Variants in PRMT8 observed in about 807,000 individuals in gnomAD.
PRMT8 encodes the protein protein arginine methyltransferase 8.
Under a neutral mutation model 47.1 loss-of-function variants are expected in PRMT8, and 7 were observed. The observed-to-expected ratio is 0.15, with a 90% CI of 0.08 to 0.28. The LOEUF (loss-of-function observed/expected upper bound fraction) is 0.28. Ranked by LOEUF, PRMT8 falls within the 10% of genes least tolerant of loss-of-function variation. PRMT8 has a pLI of 1.00. For missense variants in PRMT8, 237 were observed against 505.4 expected (o/e 0.47, Z 5.09); for synonymous variants, 188 against 186.5 (o/e 1.01, Z -0.07).
chr12:3,429,082 G>A (rs535609648), intron 1 of PRMT8, among the ~76,000 whole-genome samples: 119 of 151,776 alleles, frequency 7.8e-4, no homozygotes, highest in Admixed American at 2.4e-3. Flanking sequence ...CTCTGTCTCT[G>A]CTGGTCTTTC....
chr12:3,383,011 T>C (rs1308741074), intron 1 of PRMT8, among the ~76,000 whole-genome samples: 1 of 152,242 alleles, frequency 6.6e-6, no homozygotes, highest in Non-Finnish European at 1.5e-5. Flanking sequence ...AAAAATCACT[T>C]ATGCGTATTT....
At chr12:3,524,366 A>G (rs1865922026) in intron 1 of PRMT8, among the ~76,000 whole-genome samples, 2 of 152,154 alleles carry the variant, frequency 1.3e-5, no homozygotes, top group Non-Finnish European at 2.9e-5. Flanking sequence ...TCAGCAAACT[A>G]CAGAAGAAAC....
rs1206246002 is a variant in PRMT8, at chr12:3,492,302, AGTCT to A, written c.75+604_75+607del. Among the ~76,000 whole-genome samples the A allele has an allele frequency of 1.3e-5, 2 of 151,974 alleles. No individual in the cohort carries two copies. On this transcript the variant is annotated intron_variant, in intron 1 of 9. Coordinates refer to ENST00000382622, the MANE Select transcript of PRMT8 (RefSeq NM_019854.5). The surrounding 1 kb of genome is among the most constrained non-coding windows in gnomAD (Gnocchi z 7.5). ...CCGGCCCAGATCTGGGCCAGAGAGA[AGTCT>A]GCAATCCTCAGATATCAGAGCCGCC...
At chr12:3,561,999 A>G (rs917106616) in intron 4 of PRMT8, among the ~76,000 whole-genome samples, 1 of 152,218 alleles carries the variant, frequency 6.6e-6, no homozygotes, top group African/African-American at 2.4e-5. Context: ...ATCATTGGCC[A>G]TGGTGGAAGT....
At chr12:3,469,376 T>C (rs1486571634) in intron 1 of PRMT8, 12 of 279,136 alleles carry the variant, frequency 4.3e-5, no homozygotes, top group Non-Finnish European at 8.5e-5. Flanking sequence ...AAGAAATGCT[T>C]AGGGGCAGGA....
At chr12:3,581,067 C>G (rs1487691027) in intron 7 of PRMT8, among the ~76,000 whole-genome samples, 2 of 152,132 alleles carry the variant, frequency 1.3e-5, no homozygotes, top group African/African-American at 2.4e-5. Context: ...GCTTGGCCGA[C>G]CTAAATGCAA....
At chr12:3,401,009 C>T (rs1382172171) in intron 1 of PRMT8, among the ~76,000 whole-genome samples, 6 of 151,694 alleles carry the variant, frequency 4.0e-5, no homozygotes, top group East Asian at 1.9e-4. Context: ...TAGCTGGGCA[C>T]AGTGGTGCAT....
chr12:3,445,590 G>GTTAC (rs934757970), intron 1 of PRMT8, among the ~76,000 whole-genome samples: 5 of 152,156 alleles, frequency 3.3e-5, no homozygotes, highest in African/African-American at 1.2e-4. Flanking sequence ...AGCTCTCGGT[G>GTTAC]TTACTCCACA....
chr12:3,495,145 C>T (rs1565422951), intron 1 of PRMT8, among the ~76,000 whole-genome samples: 1 of 152,224 alleles, frequency 6.6e-6, no homozygotes, highest in Non-Finnish European at 1.5e-5. Flanking sequence ...GACACATCAT[C>T]TCACCTCTGC....
At position 3,580,948 on chromosome 12, in the gene PRMT8, C is replaced by T. The variant is rs1439326369; in HGVS notation, c.829-2110C>T. Among the ~76,000 whole-genome samples, 3 of 152,170 alleles carry T rather than the reference C, an allele frequency of 2.0e-5. No homozygotes were observed. Among genetic ancestry groups the T allele is most frequent in the African/African-American group, 7.2e-5 (3 of 41,442 alleles). On this transcript the variant is annotated intron_variant, in intron 7 of 9. Coordinates refer to ENST00000382622, the MANE Select transcript of PRMT8 (RefSeq NM_019854.5). The surrounding 1 kb of genome is among the most constrained non-coding windows in gnomAD (Gnocchi z 4.6). ...GGAGGGATAATGAGCATTATGAAGG[C>T]TGACATATACTCAGTCTAAAACGTT...
At chr12:3,471,847 T>C (rs868538021) in intron 1 of PRMT8, among the ~76,000 whole-genome samples, 3 of 151,586 alleles carry the variant, frequency 2.0e-5, no homozygotes, top group African/African-American at 4.9e-5. Context: ...GCTGGGATGG[T>C]GGGCTTGCCA....
intron 1 of PRMT8, among the ~76,000 whole-genome samples, chr12:3,520,243 C>T (rs1216706012): frequency 6.6e-6 from 1 of 152,210 alleles, no homozygotes; most frequent in Non-Finnish European, 1.5e-5. Flanking sequence ...GTCGGGAAAA[C>T]CAACGGTGCC....
chr12:3,431,750 A>C (rs1211942371), intron 1 of PRMT8, among the ~76,000 whole-genome samples: 1 of 152,228 alleles, frequency 6.6e-6, no homozygotes, highest in Non-Finnish European at 1.5e-5. Flanking sequence ...AGTCTGAGCC[A>C]AGGGTTGTGA....
chr12:3,464,068 G>A (rs1265267454), intron 1 of PRMT8, among the ~76,000 whole-genome samples: 1 of 152,220 alleles, frequency 6.6e-6, no homozygotes, highest in East Asian at 1.9e-4. Context: ...TTACAAATGA[G>A]TGGAATGACT....
At position 3,470,588 on chromosome 12, in the gene PRMT8, G is replaced by A. The variant is rs1258257776; in HGVS notation, c.49-70018G>A. Among the ~76,000 whole-genome samples, 15 of 152,034 alleles carry A rather than the reference G, an allele frequency of 9.9e-5. 1 individual carries two copies. On this transcript the variant is annotated intron_variant, in intron 1 of 9. Coordinates refer to the PRMT8 transcript ENST00000452611. ...CCCACTGGAGTTTGCTGGGTGGGGG[G>A]CATGGGGCAGGTGTGGGGAAACCTC...
rs546075398 is a variant in PRMT8, at chr12:3,431,635, C to T, written c.48+50193C>T. On this transcript the variant is annotated intron_variant, in intron 1 of 9. Coordinates refer to the PRMT8 transcript ENST00000452611. ...GATGGGATTCCAAGAAGGAGAGGTA[C>T]GTAGTGTCAAAGGCTGCAGTCAAGC... Among the ~76,000 whole-genome samples the T allele has an allele frequency of 2.0e-4, 31 of 152,164 alleles. No homozygotes were observed. In the South Asian group the frequency reaches 3.1e-3, roughly 15 times the overall value.
intron 1 of PRMT8, among the ~76,000 whole-genome samples, chr12:3,506,384 G>A (rs1006616937): frequency 6.6e-6 from 1 of 152,190 alleles, no homozygotes; most frequent in Non-Finnish European, 1.5e-5. Flanking sequence ...GTGTGGAATC[G>A]GCACTGGAAG....
In PRMT8 at chr12:3,538,644, A is replaced by G. The variant is rs1466636927; in HGVS notation, c.76-1962A>G. 1.9e-6 allele frequency: 1 copy of G among 518,906 alleles called. No individual in the cohort carries two copies. Among genetic ancestry groups the G allele is most frequent in the Non-Finnish European group, 3.8e-6 (1 of 259,854 alleles). 32.1% of individuals were successfully genotyped at this position (518,906 alleles called of 1,614,324 possible). A position where few individuals can be genotyped will look rare whatever the true frequency, so the allele number is the denominator to read the frequency against. ...CAGCTCCGACTTTTTCCTCTCCTTC[A>G]CATATTTAAATGGAGTCGATATTGG... On this transcript the variant is annotated intron_variant, in intron 1 of 9. Coordinates refer to ENST00000382622, the MANE Select transcript of PRMT8 (RefSeq NM_019854.5). The surrounding 1 kb of genome is among the most constrained non-coding windows in gnomAD (Gnocchi z 4.6).
chr12:3,440,263 A>T (rs1215527056), intron 1 of PRMT8, among the ~76,000 whole-genome samples: 3 of 152,148 alleles, frequency 2.0e-5, no homozygotes, highest in South Asian at 4.1e-4. Flanking sequence ...GATCGAGACC[A>T]TCCTGGCTAA....
Sources: gnomAD v4.1 joint callset for allele counts (sites outside exome capture counted in the v4.1 genomes callset) on GRCh38, gnomAD v4.1.1 for gene constraint, Gnocchi (gnomAD v3.1) non-coding constraint, MANE v1.5 for transcripts, NCBI Gene and HGNC (gene_info 2026-07-23, HGNC 2026-07-21) for gene names.